The following METTL27 variants were observed in gnomAD, a reference collection of about 807,000 sequenced individuals.
METTL27 encodes methyltransferase like 27.
In METTL27, 29 loss-of-function variants were observed where a neutral mutation model predicts 24.5. That is an observed-to-expected ratio of 1.18 (90% CI 0.88 to 1.61). The LOEUF is 1.61. Ranked by LOEUF, METTL27 falls within the 40% of genes most tolerant of loss-of-function variation. METTL27 has a pLI of 0.00. For missense variants in METTL27, 341 were observed against 324.3 expected, an observed-to-expected ratio of 1.05 and a Z score of -0.40; for synonymous variants, 138 against 146.8, an observed-to-expected ratio of 0.94 and a Z score of 0.43.
chr7:73,835,059 T>C, intron 5 of METTL27, 57 bp from the exon 6 acceptor site: 1 of 1,534,110 alleles, frequency 6.5e-7, no homozygotes, highest in Non-Finnish European at 8.7e-7. Context: ...TCCTGGGCCA[T>C]CTCTGCTGGG....
At position 73,840,474 on chromosome 7, in the gene METTL27, C is replaced by T. The variant is rs782511528; in HGVS notation, c.328G>A (p.Gly110Ser). ...PGMLEQAQAPGLYQRLSLCTL... is the reference protein window; with the variant it reads ...PGMLEQAQAPSLYQRLSLCTL... The stretch of plus-strand genomic sequence containing the variant: ...CAGAGGCTGAGGCGCTGATAGAGGC[C>T]GGGGGCCTGGGCCTGTTCCAGCATC... The change falls in exon 4 of 6, where the codon GGC becomes AGC. Residue 110 changes from glycine to serine, a missense_variant. Transcript: ENST00000297873. 317 of 1,608,480 alleles carry T rather than the reference C, an allele frequency of 2.0e-4. 1 individual carries two copies. The highest frequency in any genetic ancestry group is 8.4e-4 in the Admixed American group (50 of 59,464).
chr7:73,836,119 CGGG>C, intron 5 of METTL27, among the ~76,000 whole-genome samples: 1 of 88,796 alleles, frequency 1.1e-5, no homozygotes, highest in Admixed American at 1.2e-4. Flanking sequence ...CCGCCCCATC[CGGG>C]AGGGAGGTGG....
chr7:73,841,706 G>C (rs1046363278), intron 2 of METTL27, among the ~76,000 whole-genome samples: 2 of 152,110 alleles, frequency 1.3e-5, no homozygotes, highest in South Asian at 4.1e-4. Flanking sequence ...TCGAACTCCT[G>C]ACCTCAGGTG....
intron 5 of METTL27, among the ~76,000 whole-genome samples, chr7:73,835,368 C>G (rs1446683075): frequency 6.9e-6 from 1 of 144,704 alleles, no homozygotes; most frequent in Non-Finnish European, 1.5e-5. Flanking sequence ...TGATTGCAGA[C>G]TCGCGCCGCC....
intron 4 of METTL27, 69 bp from the exon 5 acceptor site, chr7:73,840,189 C>T: frequency 6.5e-7 from 1 of 1,530,244 alleles, no homozygotes; most frequent in Non-Finnish European, 8.9e-7. Flanking sequence ...ATGGTGTGGC[C>T]TCAGACCACC....
chr7:73,837,574 T>C (rs1267661355), intron 5 of METTL27, among the ~76,000 whole-genome samples: 1 of 151,606 alleles, frequency 6.6e-6, no homozygotes, highest in Non-Finnish European at 1.5e-5. Flanking sequence ...CTTTCTTTCT[T>C]TTTTTTTGAG....
At chr7:73,841,407 T>C (rs970644336) in intron 2 of METTL27, among the ~76,000 whole-genome samples, 9 of 151,414 alleles carry the variant, frequency 5.9e-5, no homozygotes, top group African/African-American at 2.2e-4. Flanking sequence ...CACTGTACAG[T>C]AGACTCAGCC....
chr7:73,839,278 G>A (rs1477571800), intron 5 of METTL27, among the ~76,000 whole-genome samples: 2 of 152,168 alleles, frequency 1.3e-5, no homozygotes, highest in African/African-American at 4.8e-5. Flanking sequence ...GCAAGACTCT[G>A]TCTCAAATTA....
In METTL27 at chr7:73,834,826, G is replaced by A. The variant is rs1554634722; in HGVS notation, c.655C>T (p.Pro219Ser). ...GAAGCCATCCTTGGCAGAGATGCCG[G>A]ATACCACCTCCAGCTCGGAGGTAGC... ...SWLPPSWRWY[P>S]ASLPRMASSP... The change falls in exon 6 of 6, where the codon CCG (proline) becomes TCG (serine). Residue 219 changes from proline to serine, a missense_variant. Transcript: ENST00000297873. 1 of 1,614,156 alleles carries A rather than the reference G, an allele frequency of 6.2e-7. No homozygotes were observed. Among genetic ancestry groups the A allele is most frequent in the East Asian group, 2.2e-5 (1 of 44,880 alleles).
chr7:73,840,118 TC>T lies in METTL27; in HGVS notation c.390del (p.Thr131ProfsTer6). ...CCGACTATCAGCACCGCGTCGAAGG[TC>T]CCTGTGTGTGTGTGGGGGGGGGTGG... ...LGQEPLPSPE[G>X]TFDAVLIVGA... On this transcript the variant is annotated frameshift_variant and splice_region_variant, in exon 5 of 6. Transcript: ENST00000297873. LOFTEE classifies it high-confidence loss of function. 7.9e-7 allele frequency: 1 copy of T among 1,266,312 alleles called. No homozygotes were observed. Among genetic ancestry groups the T allele is most frequent in the East Asian group, 4.3e-5 (1 of 23,272 alleles). The allele number at this position is 1,266,312 out of a possible 1,614,324, so 78.4% of individuals were successfully genotyped here.
chr7:73,836,685 G>GC (rs1227533470), intron 5 of METTL27, among the ~76,000 whole-genome samples: 2 of 53,788 alleles, frequency 3.7e-5, no homozygotes, highest in Admixed American at 1.5e-4. Flanking sequence ...CGCCCGGCCA[G>GC]CCCCCCCATC....
chr7:73,839,275 T>C (rs1421836104), intron 5 of METTL27, among the ~76,000 whole-genome samples: 3 of 152,252 alleles, frequency 2.0e-5, no homozygotes, highest in African/African-American at 7.2e-5. Context: ...AGAGCAAGAC[T>C]CTGTCTCAAA....
chr7:73,836,221 GGGA>G (rs2130542292), intron 5 of METTL27, among the ~76,000 whole-genome samples: 1 of 86,878 alleles, frequency 1.2e-5, no homozygotes, highest in East Asian at 3.6e-4. Flanking sequence ...CCGTCCGGGA[GGGA>G]GGTGGGGGCA....
At chr7:73,841,918 T>G in intron 2 of METTL27, 100 bp downstream of exon 2, 1 of 1,589,032 alleles carries the variant, frequency 6.3e-7, no homozygotes, top group South Asian at 1.1e-5. Flanking sequence ...AGGCCTCACT[T>G]CGTCCTCACA....
Position 73,841,093 on chromosome 7 carries a change from C to G in METTL27, c.229G>C (p.Gly77Arg). The G allele has an allele frequency of 1.3e-6, 2 of 1,513,058 alleles. No homozygotes were observed. The highest frequency in any genetic ancestry group is 8.8e-7 in the Non-Finnish European group (1 of 1,140,478). 93.7% of individuals were successfully genotyped at this position (1,513,058 alleles called of 1,614,324 possible). A position where few individuals can be genotyped will look rare whatever the true frequency, so the allele number is the denominator to read the frequency against. ...HSALILDVAC[G>R]TGLVAAELRA... ...ACCTCGGCAGCCACTAGGCCTGTGC[C>G]ACAGGCCACGTCCAGGATCAGGGCA... Residue 77 changes from glycine to arginine, a missense_variant, in exon 3 of 6, where the codon GGC becomes CGC. Coordinates refer to ENST00000297873, the MANE Select transcript of METTL27 (RefSeq NM_152559.3).
At chr7:73,840,370 T>A in intron 4 of METTL27, 44 bp downstream of exon 4, 1 of 1,551,540 alleles carries the variant, frequency 6.4e-7, no homozygotes, top group East Asian at 2.4e-5. Flanking sequence ...GGAAAGGGCT[T>A]CATGAGGGTG....
At position 73,842,474 on chromosome 7, in the gene METTL27, C is replaced by A. The variant is rs1788393098; in HGVS notation, c.-5+16G>T. The stretch of plus-strand genomic sequence containing the variant: ...GGAGCGAAACGGTCTCGAAGGAGGC[C>A]GGAGTCAGAACTCACCGCCAATCCA... On this transcript the variant is annotated intron_variant, in intron 1 of 5. Coordinates refer to ENST00000297873, the MANE Select transcript of METTL27 (RefSeq NM_152559.3). 1.0e-5 allele frequency: 3 copies of A among 294,702 alleles called. No homozygotes were observed. In the South Asian group the frequency reaches 1.6e-4, roughly 15 times the overall value. 18.3% of individuals were successfully genotyped at this position (294,702 alleles called of 1,614,324 possible). A position where few individuals can be genotyped will look rare whatever the true frequency, so the allele number is the denominator to read the frequency against.
At position 73,834,664 on chromosome 7, in the gene METTL27, G is replaced by C. The variant is rs911624231; in HGVS notation, c.*79C>G. Reference sequence around the variant, plus strand: ...GGTTCGGAGGTCCCATTTTACAGGGGAGGCAGAGGAGGCCCAGCAGATGGG... The same window carrying C: ...GGTTCGGAGGTCCCATTTTACAGGGCAGGCAGAGGAGGCCCAGCAGATGGG... On this transcript the variant is annotated 3_prime_UTR_variant, in exon 6 of 6. Coordinates refer to ENST00000297873, the MANE Select transcript of METTL27 (RefSeq NM_152559.3). The C allele has an allele frequency of 3.0e-6, 4 of 1,316,680 alleles. No individual in the cohort carries two copies. The Admixed American group carries it at 6.3e-5, about 21-fold the overall frequency. The allele number at this position is 1,316,680 out of a possible 1,614,324, so 81.6% of individuals were successfully genotyped here.
chr7:73,841,186 G>A lies in METTL27; in HGVS notation c.136C>T (p.Leu46=), dbSNP rs782536078. Residue 46 remains leucine (L), a synonymous_variant, in exon 3 of 6, where the codon CTG becomes TTG. Coordinates refer to ENST00000297873, the MANE Select transcript of METTL27 (RefSeq NM_152559.3). The stretch of plus-strand genomic sequence containing the variant: ...GCGAGGCGGGGCGCACGGTACAGCA[G>A]GGTGGCCACATCCTGGGGAAAGAGT... ...APDYDQDVAT[L]LYRAPRLAVD... The A allele has an allele frequency of 2.3e-5, 36 of 1,558,324 alleles. No individual in the cohort carries two copies. The highest frequency in any genetic ancestry group is 3.1e-5 in the Non-Finnish European group (36 of 1,159,364).
Sources: gnomAD v4.1 joint callset for allele counts (sites outside exome capture counted in the v4.1 genomes callset) on GRCh38, gnomAD v4.1.1 for gene constraint, MANE v1.5 for transcripts, NCBI Gene and HGNC (gene_info 2026-07-23, HGNC 2026-07-21) for gene names.